Variants in TENM3 observed in about 807,000 individuals in gnomAD.
TENM3 encodes the protein teneurin transmembrane protein 3.
In TENM3, 63 loss-of-function variants were observed where a neutral mutation model predicts 255.1. The observed-to-expected ratio is 0.25, with a 90% CI of 0.20 to 0.30. The LOEUF is 0.30. TENM3 is among the 10% of genes least tolerant of loss of function. The pLI is 1.00. For synonymous variants in TENM3, 1,306 were observed against 1,322.3 expected, an observed-to-expected ratio of 0.99 and a Z score of 0.27; for missense variants, 2,929 against 3,461.1, an observed-to-expected ratio of 0.85 and a Z score of 3.86.
intron 3 of TENM3, among the ~76,000 whole-genome samples, chr4:182,448,088 CG>C (rs1301647791): frequency 6.6e-6 from 1 of 152,228 alleles, no homozygotes; most frequent in East Asian, 1.9e-4. Flanking sequence ...GAGAGTGGCT[CG>C]GGCCACTTGC....
the TENM3 span, among the ~76,000 whole-genome samples, chr4:181,665,599 TAA>T: frequency 7.4e-4 from 113 of 152,006 alleles, no homozygotes; most frequent in African/African-American, 2.6e-3. Context: ...TATGTTTATA[TAA>T]GTGTCTATAT....
At chr4:182,032,797 G>T in the TENM3 span, among the ~76,000 whole-genome samples, 2 of 152,112 alleles carry the variant, frequency 1.3e-5, no homozygotes, top group African/African-American at 4.8e-5. Context: ...ATGTGTCCAT[G>T]AATTTGTCTG....
intron 3 of TENM3, among the ~76,000 whole-genome samples, chr4:182,503,239 A>C (rs1262139563): frequency 6.6e-6 from 1 of 151,930 alleles, no homozygotes; most frequent in Admixed American, 6.6e-5. Flanking sequence ...TTACATTTAG[A>C]TGGGCATGGT....
the TENM3 span, among the ~76,000 whole-genome samples, chr4:182,021,357 A>G: frequency 6.6e-6 from 1 of 152,084 alleles, no homozygotes; most frequent in Non-Finnish European, 1.5e-5. Flanking sequence ...GCTACTGTGA[A>G]TAGTTCCTGC....
chr4:182,239,659 G>T (rs1757115309), upstream of TENM3, among the ~76,000 whole-genome samples: 2 of 152,120 alleles, frequency 1.3e-5, no homozygotes, highest in Admixed American at 6.5e-5. Context: ...AGTTAGAAAA[G>T]ATTTCAAACC....
the TENM3 span, among the ~76,000 whole-genome samples, chr4:182,094,493 G>T: frequency 1.3e-5 from 2 of 152,124 alleles, no homozygotes; most frequent in African/African-American, 4.8e-5. Context: ...TGATCCGCCC[G>T]CCTCGGCATC....
At chr4:182,780,237 G>T (rs986352757) in intron 24 of TENM3, among the ~76,000 whole-genome samples, 29 of 148,412 alleles carry the variant, frequency 2.0e-4, no homozygotes, top group Non-Finnish European at 3.6e-4. Flanking sequence ...TTTGTATAAG[G>T]TGTAAGGAAG....
At chr4:182,537,660 C>T (rs552543873) in intron 3 of TENM3, among the ~76,000 whole-genome samples, 2 of 152,278 alleles carry the variant, frequency 1.3e-5, no homozygotes, top group South Asian at 2.1e-4. Context: ...TCTATGACAC[C>T]GTCTGCATAA....
chr4:182,397,782 C>T (rs1431930909), intron 3 of TENM3, among the ~76,000 whole-genome samples: 1 of 152,110 alleles, frequency 6.6e-6, no homozygotes, highest in African/African-American at 2.4e-5. Flanking sequence ...GTTTCTGATT[C>T]GGTGGCTCTG....
the TENM3 span, among the ~76,000 whole-genome samples, chr4:181,622,558 G>A: frequency 2.0e-5 from 3 of 152,018 alleles, no homozygotes; most frequent in Non-Finnish European, 2.9e-5. Flanking sequence ...AGCGTGTAAT[G>A]TCAGCTACTC....
At chr4:182,546,814 C>G (rs1008957427) in intron 3 of TENM3, among the ~76,000 whole-genome samples, 3 of 152,100 alleles carry the variant, frequency 2.0e-5, no homozygotes, top group Admixed American at 6.5e-5. Context: ...AAGAGTTAAT[C>G]TGTTTTTTGA....
intron 7 of TENM3, among the ~76,000 whole-genome samples, chr4:182,676,659 T>C (rs1755685503): frequency 6.6e-6 from 1 of 152,198 alleles, no homozygotes; most frequent in Non-Finnish European, 1.5e-5. Context: ...TGAAACAAAA[T>C]CTATTTGTTT....
chr4:182,260,775 A>G (rs1326983733), intron 1 of TENM3, among the ~76,000 whole-genome samples: 2 of 152,262 alleles, frequency 1.3e-5, no homozygotes, highest in African/African-American at 2.4e-5. Context: ...AACTCATATA[A>G]TACTGACAAC....
intron 13 of TENM3, among the ~76,000 whole-genome samples, chr4:182,724,075 C>A (rs541394276): frequency 1.3e-5 from 2 of 152,322 alleles, no homozygotes; most frequent in South Asian, 4.1e-4. Flanking sequence ...CAGAGTACCA[C>A]GTAGACTGCA....
intron 3 of TENM3, among the ~76,000 whole-genome samples, chr4:182,495,225 C>T (rs1468481484): frequency 1.3e-5 from 2 of 152,132 alleles, no homozygotes; most frequent in Non-Finnish European, 2.9e-5. Context: ...TTCAGAGAGC[C>T]GTGAAGCTGC....
chr4:182,786,453 G>A (rs1025357865), intron 24 of TENM3, among the ~76,000 whole-genome samples: 1 of 151,910 alleles, frequency 6.6e-6, no homozygotes, highest in African/African-American at 2.4e-5. Flanking sequence ...AGCTACTCAG[G>A]AGGCTGAGGC....
chr4:182,612,085 C>T (rs887403877), intron 4 of TENM3, among the ~76,000 whole-genome samples: 5 of 151,490 alleles, frequency 3.3e-5, no homozygotes, highest in African/African-American at 7.3e-5. Flanking sequence ...CTGGCCAACA[C>T]GGTGAAACCC....
At position 182,295,958 on chromosome 4, in the gene TENM3, T is replaced by A. The variant is rs536913353; in HGVS notation, c.-75-27988T>A. ...GTTCATACCATTATTATTATTTTTT[T>A]ATTTATTTTTGAAATAGCGTTTCAC... On this transcript the variant is annotated intron_variant, in intron 1 of 27. Transcript: ENST00000511685. Among the ~76,000 whole-genome samples, 36 of 152,312 alleles carry A rather than the reference T, an allele frequency of 2.4e-4. No individual in the cohort carries two copies. The South Asian group carries it at 2.7e-3, about 11-fold the overall frequency.
the TENM3 span, among the ~76,000 whole-genome samples, chr4:181,671,957 G>A: frequency 6.6e-6 from 1 of 152,116 alleles, no homozygotes; most frequent in Non-Finnish European, 1.5e-5. Flanking sequence ...ATTATTCCCT[G>A]CTTTTGTTTT....
Sources: allele counts gnomAD v4.1 joint callset (sites outside exome capture counted in the v4.1 genomes callset), GRCh38; gene constraint gnomAD v4.1.1; transcripts MANE v1.5; gene names NCBI Gene and HGNC (gene_info 2026-07-23, HGNC 2026-07-21).